LATS1: variants seen among roughly 807,000 people sequenced by gnomAD.
The protein encoded by LATS1 is large tumor suppressor kinase 1.
A neutral mutation model predicts 106.6 loss-of-function variants in LATS1; 25 were observed. The ratio of observed to expected loss-of-function variants is 0.23; its 90% CI spans 0.17 to 0.33. LATS1 has a LOEUF of 0.33. Among genes scored for constraint, LATS1 ranks in the 10% least tolerant of loss-of-function variants. LATS1 has a pLI of 1.00. For missense variants in LATS1, 1,040 were observed against 1,382.6 expected, an observed-to-expected ratio of 0.75 and a Z score of 3.93; for synonymous variants, 465 against 455.6, an observed-to-expected ratio of 1.02 and a Z score of -0.26.
At chr6:149,705,200 A>G (rs1387868745) in intron 1 of LATS1, among the ~76,000 whole-genome samples, 1 of 152,198 alleles carries the variant, frequency 6.6e-6, no homozygotes, top group Non-Finnish European at 1.5e-5. Context: ...GGATGGACAT[A>G]CCATGTGCTT....
chr6:149,676,220 A>G, intron 7 of LATS1, 40 bp downstream of exon 7: 1 of 1,330,002 alleles, frequency 7.5e-7, no homozygotes, highest in Non-Finnish European at 1.1e-6. Flanking sequence ...TGATGTAGCA[A>G]CTTTGTGAGA....
rs772472911 is a variant in LATS1 at position 149,683,370 on chromosome 6, G to A, written c.1719C>T (p.Tyr573=). The A allele has an allele frequency of 1.8e-5, 29 of 1,613,992 alleles. No individual in the cohort carries two copies. In the Admixed American group the frequency reaches 3.2e-4, roughly 18 times the overall value. Residue 573 remains tyrosine, a synonymous_variant, in exon 4 of 8, where the codon TAC becomes TAT. Coordinates refer to ENST00000543571, the MANE Select transcript of LATS1 (RefSeq NM_004690.4). Reference sequence around the variant, plus strand: ...CTTTGCTAGGCTTACTGATTGACTCGTATGGAGGAACAGATGGGTTTTGGT... The same window carrying A: ...CTTTGCTAGGCTTACTGATTGACTCATATGGAGGAACAGATGGGTTTTGGT... ...LLHQNPSVPP[Y]ESISKPSKED...
intron 5 of LATS1, 41 bp downstream of exon 5, chr6:149,679,834 T>C: frequency 7.4e-7 from 1 of 1,346,936 alleles, no homozygotes; most frequent in East Asian, 2.4e-5. Flanking sequence ...TAAATTACAT[T>C]ATTATGAACA....
At chr6:149,713,023 G>T (rs1251205048) in intron 1 of LATS1, among the ~76,000 whole-genome samples, 2 of 151,970 alleles carry the variant, frequency 1.3e-5, no homozygotes, top group African/African-American at 4.8e-5. Flanking sequence ...AATAAATTGA[G>T]TATATCTTAA....
rs1393105765 is a variant in LATS1 at position 149,680,078 on chromosome 6, A to G, written c.2390T>C (p.Met797Thr). 3 of 1,613,684 alleles carry G rather than the reference A, an allele frequency of 1.9e-6. No individual in the cohort carries two copies. Among genetic ancestry groups the G allele is most frequent in the African/African-American group, 2.7e-5 (2 of 74,890 alleles). ...TGCCAGACTTTCTGGAAAGATGCCCATTCTAATTAATAGGCTCATCATATC... is the reference window on the plus strand; with the variant it reads ...TGCCAGACTTTCTGGAAAGATGCCCGTTCTAATTAATAGGCTCATCATATC... ...GGDMMSLLIRMGIFPESLARF... is the reference protein window; with the variant it reads ...GGDMMSLLIRTGIFPESLARF... The change falls in exon 5 of 8, where the codon ATG becomes ACG. Residue 797 changes from methionine (M) to threonine (T), a missense_variant. Coordinates refer to ENST00000543571, the MANE Select transcript of LATS1 (RefSeq NM_004690.4).
intron 7 of LATS1, among the ~76,000 whole-genome samples, chr6:149,672,032 G>C (rs1203499722): frequency 6.6e-6 from 1 of 151,580 alleles, no homozygotes; most frequent in African/African-American, 2.4e-5. Context: ...GGGATTACAG[G>C]TGTGTGCAGC....
chr6:149,660,382 T>C lies in LATS1; in HGVS notation c.*1347A>G, dbSNP rs868574149. 30 of 233,118 alleles carry C rather than the reference T, an allele frequency of 1.3e-4. No homozygotes were observed. Among genetic ancestry groups the C allele is most frequent in the Middle Eastern group, 1.3e-3 (1 of 786 alleles). 14.4% of individuals were successfully genotyped at this position (233,118 alleles called of 1,614,324 possible). ...AATTTTACTACATATACGGTTTCAA[T>C]TAGCTTTTATGCGAAGAAAGCTAAA... On this transcript the variant is annotated 3_prime_UTR_variant, in exon 8 of 8. Transcript: ENST00000543571.
chr6:149,706,963 T>C (rs974209816), intron 1 of LATS1, among the ~76,000 whole-genome samples: 10 of 151,680 alleles, frequency 6.6e-5, no homozygotes, highest in East Asian at 1.9e-4. Context: ...TTCTAACATA[T>C]ACTACTATTA....
At chr6:149,717,480 T>C (rs1358861814) in intron 1 of LATS1, 1 of 152,846 alleles carries the variant, frequency 6.5e-6, no homozygotes, top group Non-Finnish European at 1.5e-5. Flanking sequence ...GCTCTTTTAC[T>C]GCAATTTTCC....
chr6:149,682,145 A>G (rs1251540653), intron 4 of LATS1, among the ~76,000 whole-genome samples: 2 of 151,876 alleles, frequency 1.3e-5, no homozygotes, highest in Non-Finnish European at 2.9e-5. Context: ...TACTACCTTA[A>G]TATCTAGAGA....
intron 1 of LATS1, among the ~76,000 whole-genome samples, chr6:149,711,377 T>C (rs1167005378): frequency 2.6e-5 from 4 of 151,976 alleles, no homozygotes; most frequent in Admixed American, 2.0e-4. Context: ...ACCTCATCTC[T>C]ACTAAAAAAT....
intron 1 of LATS1, among the ~76,000 whole-genome samples, chr6:149,717,244 G>C (rs1037780903): frequency 2.6e-5 from 4 of 152,208 alleles, no homozygotes; most frequent in Admixed American, 6.5e-5. Context: ...CATTCATTGA[G>C]CTACAAGCTA....
chr6:149,709,714 T>A (rs1400278834), intron 1 of LATS1, among the ~76,000 whole-genome samples: 1 of 147,802 alleles, frequency 6.8e-6, no homozygotes, highest in Non-Finnish European at 1.5e-5. Context: ...CTCACTCTGT[T>A]GCCCAGGTTG....
intron 1 of LATS1, among the ~76,000 whole-genome samples, chr6:149,710,554 CTG>C (rs1350209749): frequency 5.9e-5 from 9 of 152,254 alleles, no homozygotes; most frequent in Admixed American, 5.9e-4. Flanking sequence ...AAACTGGTAC[CTG>C]GAAGTGAGGT....
chr6:149,687,148 T>C (rs1212752980), intron 3 of LATS1, among the ~76,000 whole-genome samples: 1 of 151,526 alleles, frequency 6.6e-6, no homozygotes, highest in Non-Finnish European at 1.5e-5. Flanking sequence ...TGGAGCGCGG[T>C]GGCATGATCT....
intron 2 of LATS1, among the ~76,000 whole-genome samples, chr6:149,698,811 C>T (rs1043682896): frequency 6.6e-6 from 1 of 152,116 alleles, no homozygotes; most frequent in Non-Finnish European, 1.5e-5. Context: ...ATCCACCCGC[C>T]TTGGCCTCCC....
intron 1 of LATS1, among the ~76,000 whole-genome samples, chr6:149,712,689 A>G (rs1309598734): frequency 6.6e-6 from 1 of 152,014 alleles, no homozygotes; most frequent in Non-Finnish European, 1.5e-5. Context: ...GCTTTTCTAC[A>G]TTTTAATATT....
intron 3 of LATS1, among the ~76,000 whole-genome samples, chr6:149,687,333 C>T (rs544028650): frequency 6.6e-4 from 100 of 152,224 alleles, no homozygotes; most frequent in South Asian, 1.5e-3. Flanking sequence ...TCAGGTGATC[C>T]GCCCACCTCA....
intron 4 of LATS1, among the ~76,000 whole-genome samples, chr6:149,680,755 A>AG (rs1482470081): frequency 6.6e-6 from 1 of 151,656 alleles, no homozygotes; most frequent in Non-Finnish European, 1.5e-5. Flanking sequence ...AAAAAAAAAA[A>AG]AAAAAGGTTC....
Sources: gnomAD v4.1 joint callset for allele counts (sites outside exome capture counted in the v4.1 genomes callset) on GRCh38, gnomAD v4.1.1 for gene constraint, MANE v1.5 for transcripts, NCBI Gene and HGNC (gene_info 2026-07-23, HGNC 2026-07-21) for gene names.